The following DDX24 variants were observed in gnomAD, a reference collection of about 807,000 sequenced individuals.
The protein encoded by DDX24 is ATP-dependent RNA helicase DDX24.
Under a neutral mutation model 68.9 loss-of-function variants are expected in DDX24, and 24 were observed. The ratio of observed to expected loss-of-function variants is 0.35; its 90% CI spans 0.25 to 0.49. The LOEUF is 0.49. Among genes scored for constraint, DDX24 ranks in the 20% least tolerant of loss-of-function variants. The pLI is 0.99. For synonymous variants in DDX24, 395 were observed against 385.2 expected (o/e 1.03, Z -0.30); for missense variants, 989 against 1,039.0 (o/e 0.95, Z 0.66).
chr14:94,077,437 A>C (rs11160161), intron 2 of DDX24, among the ~76,000 whole-genome samples: 26,991 of 152,218 alleles, frequency 0.18, 3,922 homozygotes, highest in African/African-American at 0.41. Context: ...ACTCTGCTGC[A>C]CATACCAAAG....
rs775912768 is a variant in DDX24 at position 94,079,029 on chromosome 14, C to T, written c.714G>A (p.Glu238=). The T allele has an allele frequency of 6.2e-7, 1 of 1,611,836 alleles. No homozygotes were observed. The highest frequency in any genetic ancestry group is 1.1e-5 in the South Asian group (1 of 90,978). The change falls in exon 2 of 9, where the codon GAG becomes GAA. Residue 238 remains glutamate (E), a synonymous_variant. Transcript: ENST00000621632. The stretch of plus-strand genomic sequence containing the variant: ...TTTGGCCAGAGTTGCCCTTACCTGT[C>T]TCAGCAGCCCCAAGGATGTCCAGTT... ...RDKLDILGAA[E]TGSGKTLAFA...
chr14:94,055,067 A>C lies in DDX24; in HGVS notation c.2107T>G (p.Tyr703Asp), dbSNP rs1249114469. 1.9e-6 allele frequency: 3 copies of C among 1,614,176 alleles called. No homozygotes were observed. ...TCCTCATCTTTCTTGAGCGTTTTGT[A>C]AATCTTCTTAAAGTTGATCACATCC... Reference protein sequence around the residue: ...PEDVINFKKIYKTLKKDEDIP... With the variant: ...PEDVINFKKIDKTLKKDEDIP... Residue 703 changes from tyrosine (Y) to aspartate (D), a missense_variant, in exon 7 of 9, where the codon TAC becomes GAC. Tyr to Asp is a radical substitution (Grantham distance 160). Transcript: ENST00000621632.
chr14:94,060,278 TAG>T lies in DDX24; in HGVS notation c.1731_1732del (p.Phe577LeufsTer34), dbSNP rs763932295. 3.1e-6 allele frequency: 5 copies of T among 1,614,102 alleles called. No individual in the cohort carries two copies. The highest frequency in any genetic ancestry group is 4.2e-6 in the Non-Finnish European group (5 of 1,180,058). On this transcript the variant is annotated frameshift_variant, in exon 5 of 9. Coordinates refer to ENST00000621632, the MANE Select transcript of DDX24 (RefSeq NM_020414.4). LOFTEE classifies it high-confidence loss of function. Reference sequence around the variant, plus strand: ...ATACTGCATCAGGAAGTAGTACAAGTAGAAGTCTTTCTCATCAGTCTCACAAT... The same window carrying T: ...ATACTGCATCAGGAAGTAGTACAAGTAAGTCTTTCTCATCAGTCTCACAAT...
chr14:94,069,406 C>T (rs1327210412), intron 2 of DDX24, among the ~76,000 whole-genome samples: 3 of 152,108 alleles, frequency 2.0e-5, no homozygotes, highest in East Asian at 1.9e-4. Context: ...CAGAACCAGA[C>T]GGATTTGCAA....
At position 94,079,499 on chromosome 14, in the gene DDX24, A is replaced by G. The variant is rs1048415113; in HGVS notation, c.244T>C (p.Ser82Pro). The G allele has an allele frequency of 6.2e-7, 1 of 1,614,082 alleles. No individual in the cohort carries two copies. The highest frequency in any genetic ancestry group is 8.5e-7 in the Non-Finnish European group (1 of 1,180,018). The part of the protein sequence containing the change: ...EAPKRKAQAV[S>P]EEEEEEEGKS... Reference sequence around the variant, plus strand: ...CCCTCCTCCTCCTCCTCTTCTTCTGAAACAGCTTGTGCCTTTCTCTTGGGT... The same window carrying G: ...CCCTCCTCCTCCTCCTCTTCTTCTGGAACAGCTTGTGCCTTTCTCTTGGGT... Residue 82 changes from serine (S) to proline (P), a missense_variant, in exon 2 of 9, where the codon TCA becomes CCA. By Grantham distance (74) the Ser-to-Pro change is moderately conservative. Transcript: ENST00000621632.
chr14:94,057,774 T>G (rs764885579), intron 6 of DDX24, 48 bp downstream of exon 6: 2 of 1,576,354 alleles, frequency 1.3e-6, no homozygotes, highest in Non-Finnish European at 1.7e-6. Flanking sequence ...CCTTAAAAAT[T>G]CCCCATTCAG....
rs1220163488 is a variant in DDX24 at position 94,079,722 on chromosome 14, T to C, written c.21A>G (p.Lys7=). The change falls in exon 2 of 9, where the codon AAA becomes AAG. Residue 7 remains lysine, a synonymous_variant. Transcript: ENST00000621632. ...CACAGCTTGACTGCTTTGGCCTTGA[T>C]TTTGTGTCCTTCAACTTCATGGTTG... MKLKDT[K]SRPKQSSCGK... is the part of the protein sequence containing the mutation. 1.2e-6 allele frequency: 2 copies of C among 1,613,820 alleles called. No homozygotes were observed. The highest frequency in any genetic ancestry group is 2.7e-5 in the African/African-American group (2 of 74,930).
intron 5 of DDX24, among the ~76,000 whole-genome samples, chr14:94,058,430 C>T (rs1012288303): frequency 6.6e-6 from 1 of 152,192 alleles, no homozygotes; most frequent in Non-Finnish European, 1.5e-5. Context: ...CATACCCAAT[C>T]TCTTTTCTCC....
In DDX24 at chr14:94,068,541, C is replaced by G. The variant is rs183787420; in HGVS notation, c.719-5920G>C. 2.0e-3 allele frequency among the ~76,000 whole-genome samples: 302 copies of G among 152,274 alleles called. 2 individuals are homozygous for G. Among genetic ancestry groups the G allele is most frequent in the Middle Eastern group, 0.017 (5 of 294 alleles). ...AACAGATATATACAGAACATTTCAT[C>G]CAACAACTGCAGAATATACTTCTAT... On this transcript the variant is annotated intron_variant, in intron 2 of 8. Coordinates refer to ENST00000621632, the MANE Select transcript of DDX24 (RefSeq NM_020414.4).
At chr14:94,061,716 A>T (rs1885600811) in intron 3 of DDX24, among the ~76,000 whole-genome samples, 1 of 152,210 alleles carries the variant, frequency 6.6e-6, no homozygotes, top group African/African-American at 2.4e-5. Context: ...CTCATAGGCC[A>T]GATGGTCTCT....
chr14:94,050,885 TAAAA>T lies in DDX24; in HGVS notation c.*302_*305del, dbSNP rs34711184. 33 of 226,486 alleles carry T rather than the reference TAAAA, an allele frequency of 1.5e-4. No individual in the cohort carries two copies. Among genetic ancestry groups the T allele is most frequent in the Non-Finnish European group, 1.8e-4 (22 of 124,012 alleles). 14.0% of individuals were successfully genotyped at this position (226,486 alleles called of 1,614,324 possible). A position where few individuals can be genotyped will look rare whatever the true frequency, so the allele number is the denominator to read the frequency against. ...TACACCACCACCCCCATCTTCTATC[TAAAA>T]AAAAAAAAAAAAAATCAGGATGACA... On this transcript the variant is annotated 3_prime_UTR_variant, in exon 9 of 9. Coordinates refer to ENST00000621632, the MANE Select transcript of DDX24 (RefSeq NM_020414.4).
chr14:94,065,675 G>A (rs1218628862), intron 2 of DDX24, among the ~76,000 whole-genome samples: 2 of 152,140 alleles, frequency 1.3e-5, no homozygotes, highest in Non-Finnish European at 2.9e-5. Context: ...CCCAAATACC[G>A]TGAGTGCCCC....
At chr14:94,080,669 T>C (rs1380520754) in intron 1 of DDX24, among the ~76,000 whole-genome samples, 2 of 150,736 alleles carry the variant, frequency 1.3e-5, no homozygotes, top group South Asian at 2.1e-4. Flanking sequence ...TCGCACACAG[T>C]GCCCGCCGGA....
At chr14:94,074,033 A>T (rs1279512285) in intron 2 of DDX24, among the ~76,000 whole-genome samples, 1 of 147,692 alleles carries the variant, frequency 6.8e-6, no homozygotes, top group Non-Finnish European at 1.5e-5. Flanking sequence ...ACAGACCGAG[A>T]CTCCATCTCA....
rs1411880584 is a variant in DDX24 at position 94,051,178 on chromosome 14, C to A, written c.*13G>T. On this transcript the variant is annotated 3_prime_UTR_variant, in exon 9 of 9. Transcript: ENST00000621632. ...ACAGAAACCAATGTGCAGTCACTGACACACTTGACCAGTTAATTTGCACTT... is the reference window on the plus strand; with the variant it reads ...ACAGAAACCAATGTGCAGTCACTGAAACACTTGACCAGTTAATTTGCACTT... The A allele has an allele frequency of 2.1e-6, 3 of 1,454,432 alleles. No individual in the cohort carries two copies. Among genetic ancestry groups the A allele is most frequent in the Non-Finnish European group, 2.7e-6 (3 of 1,105,758 alleles). 90.1% of individuals were successfully genotyped at this position (1,454,432 alleles called of 1,614,324 possible). A position where few individuals can be genotyped will look rare whatever the true frequency, so the allele number is the denominator to read the frequency against.
At chr14:94,065,841 C>T (rs185516822) in intron 2 of DDX24, among the ~76,000 whole-genome samples, 1 of 152,198 alleles carries the variant, frequency 6.6e-6, no homozygotes, top group African/African-American at 2.4e-5. Context: ...AGCAGAAAGG[C>T]CCTGGGAGCT....
chr14:94,065,694 AGAG>A (rs1316664124), intron 2 of DDX24, among the ~76,000 whole-genome samples: 1 of 152,114 alleles, frequency 6.6e-6, no homozygotes, highest in Non-Finnish European at 1.5e-5. Flanking sequence ...CCAACTGTGG[AGAG>A]GAGGGAGGCT....
In DDX24 at chr14:94,060,937, T is replaced by A. The variant is rs1257019637; in HGVS notation, c.1373A>T (p.His458Leu). ...CCTGAGCTGCCGAAGGTTCCTCAAA[T>A]GATAATGCTTTTCTTTAATTAATTC... Reference protein sequence around the residue: ...LWELIKEKHYHLRNLRQLRCL... With the variant: ...LWELIKEKHYLLRNLRQLRCL... The change falls in exon 4 of 9, where the codon CAT (histidine) becomes CTT (leucine). Residue 458 changes from histidine (H) to leucine (L), a missense_variant. Transcript: ENST00000621632. 1 of 1,614,212 alleles carries A rather than the reference T, an allele frequency of 6.2e-7. No homozygotes were observed. Among genetic ancestry groups the A allele is most frequent in the Non-Finnish European group, 8.5e-7 (1 of 1,180,028 alleles).
intron 5 of DDX24, among the ~76,000 whole-genome samples, chr14:94,058,963 G>A (rs1382357166): frequency 1.3e-5 from 2 of 152,194 alleles, no homozygotes; most frequent in Non-Finnish European, 2.9e-5. Flanking sequence ...GCAGCCAGGT[G>A]TGATGGCATG....
Sources: allele counts gnomAD v4.1 joint callset (sites outside exome capture counted in the v4.1 genomes callset), GRCh38; gene constraint gnomAD v4.1.1; transcripts MANE v1.5; gene names NCBI Gene and HGNC (gene_info 2026-07-23, HGNC 2026-07-21).